The following ZNF114 variants were observed in gnomAD, a reference collection of about 807,000 sequenced individuals.
ZNF114 encodes the protein zinc finger protein 114 (Y18).
In ZNF114, 8 loss-of-function variants were observed where a neutral mutation model predicts 6.8. That is an observed-to-expected ratio of 1.18 (90% confidence interval 0.69 to 2.13). The LOEUF (loss-of-function observed/expected upper bound fraction) is 2.13, where lower values mean the gene tolerates loss of function less well. ZNF114 is among the 30% of genes most tolerant of loss of function. The pLI, the probability that ZNF114 is intolerant of heterozygous loss-of-function variation, is 0.00. For missense variants in ZNF114, 472 were observed against 519.5 expected, an observed-to-expected ratio of 0.91 and a Z score of 0.89; for synonymous variants, 169 against 185.5, an observed-to-expected ratio of 0.91 and a Z score of 0.72.
At chr19:48,274,594 C>T (rs1237378598) in intron 3 of ZNF114, among the ~76,000 whole-genome samples, 3 of 151,020 alleles carry the variant, frequency 2.0e-5, no homozygotes, top group Non-Finnish European at 4.4e-5. Flanking sequence ...GCAACCTCTG[C>T]CTTCCAGGTT....
chr19:48,286,218 C>T lies in ZNF114; in HGVS notation c.594C>T (p.Ser198=). ...PCGRKTELKS[S]TWTGSQNTVH... Reference sequence around the variant, plus strand: ...GGAGAAAAACAGAGCTGAAATCAAGCACATGGACTGGCAGTCAGAACACTG... The same window carrying T: ...GGAGAAAAACAGAGCTGAAATCAAGTACATGGACTGGCAGTCAGAACACTG... Residue 198 remains serine, a synonymous_variant, in exon 6 of 6, where the codon AGC becomes AGT. Coordinates refer to ENST00000595607, the MANE Select transcript of ZNF114 (RefSeq NM_153608.4). The T allele has an allele frequency of 6.2e-7, 1 of 1,614,164 alleles. No homozygotes were observed.
intron 5 of ZNF114, among the ~76,000 whole-genome samples, chr19:48,284,373 C>G (rs1355917582): frequency 6.6e-6 from 1 of 151,924 alleles, no homozygotes; most frequent in Non-Finnish European, 1.5e-5. Flanking sequence ...GAGACCAGCC[C>G]AGCCAACATG....
rs372950819 is a variant in ZNF114, at chr19:48,286,035, G to T, written c.411G>T (p.Arg137Ser). The change falls in exon 6 of 6, where the codon AGG (arginine) becomes AGT (serine). Residue 137 changes from arginine to serine, a missense_variant. Physicochemically the swap from Arg to Ser is moderately radical, Grantham distance 110. Transcript: ENST00000595607. ...EMRNHSKPTC[R>S]LVPSQGDSIR... is the part of the protein sequence containing the mutation. ...GGAACCACTCTAAACCTACCTGCAG[G>T]CTTGTGCCTTCACAGGGAGATTCCA... 2.5e-6 allele frequency: 4 copies of T among 1,614,002 alleles called. No individual in the cohort carries two copies. Among genetic ancestry groups the T allele is most frequent in the Non-Finnish European group, 3.4e-6 (4 of 1,180,044 alleles).
At chr19:48,279,306 G>A (rs568741148) in intron 3 of ZNF114, among the ~76,000 whole-genome samples, 60 of 150,118 alleles carry the variant, frequency 4.0e-4, no homozygotes, top group East Asian at 7.9e-4. Flanking sequence ...GCTGAGGCAG[G>A]AGGATCACTT....
intron 5 of ZNF114, among the ~76,000 whole-genome samples, chr19:48,285,494 T>C (rs1437134827): frequency 1.3e-5 from 2 of 148,162 alleles, no homozygotes; most frequent in Non-Finnish European, 3.0e-5. Context: ...TAAGACTCTG[T>C]CTAAAGAAAA....
intron 3 of ZNF114, among the ~76,000 whole-genome samples, chr19:48,273,252 T>G (rs1428033924): frequency 6.6e-6 from 1 of 152,146 alleles, no homozygotes; most frequent in Non-Finnish European, 1.5e-5. Flanking sequence ...AGATGCATTT[T>G]TATCACTAAT....
chr19:48,277,681 A>G (rs1967871949), intron 3 of ZNF114, among the ~76,000 whole-genome samples: 1 of 152,170 alleles, frequency 6.6e-6, no homozygotes, highest in Non-Finnish European at 1.5e-5. Flanking sequence ...CGCAAGGCTC[A>G]CACTGGGAAT....
At chr19:48,283,402 G>A (rs181880156) in intron 5 of ZNF114, among the ~76,000 whole-genome samples, 15 of 152,122 alleles carry the variant, frequency 9.9e-5, no homozygotes, top group South Asian at 2.1e-4. Context: ...AGAAAGTCTC[G>A]GCACAGTTCC....
At chr19:48,285,313 C>G (rs1440963566) in intron 5 of ZNF114, among the ~76,000 whole-genome samples, 1 of 152,134 alleles carries the variant, frequency 6.6e-6, no homozygotes, top group Non-Finnish European at 1.5e-5. Context: ...GCCTGGCCAA[C>G]ATGGTGAAAC....
At chr19:48,285,564 A>G (rs7258305) in intron 5 of ZNF114, among the ~76,000 whole-genome samples, 197 bp from the exon 6 acceptor site, 2 of 105,524 alleles carry the variant, frequency 1.9e-5, no homozygotes, top group Non-Finnish European at 4.3e-5. Flanking sequence ...AGGAAGGAGG[A>G]AGGAAGGAAG....
intron 3 of ZNF114, among the ~76,000 whole-genome samples, chr19:48,275,779 G>A (rs1305195852): frequency 4.6e-5 from 7 of 151,944 alleles, no homozygotes; most frequent in Non-Finnish European, 1.0e-4. Context: ...CAGATCACGA[G>A]GTCAGGAGAT....
intron 3 of ZNF114, among the ~76,000 whole-genome samples, chr19:48,278,163 T>A (rs376857615): frequency 2.6e-5 from 4 of 152,202 alleles, no homozygotes; most frequent in African/African-American, 9.7e-5. Flanking sequence ...CTCAAACTCC[T>A]GACCTCAAGT....
Position 48,279,789 on chromosome 19 carries a change from T to C in ZNF114, c.-11T>C. The C allele has an allele frequency of 6.2e-6, 10 of 1,614,016 alleles. No homozygotes were observed. Among genetic ancestry groups the C allele is most frequent in the Non-Finnish European group, 8.5e-6 (10 of 1,179,948 alleles). On this transcript the variant is annotated 5_prime_UTR_variant, in exon 4 of 6. Transcript: ENST00000595607. The stretch of plus-strand genomic sequence containing the variant: ...GGGAAGCCAGGACTGGCCGTCACGT[T>C]GGTGACAAATATGTCCCAGGTAAGT...
In ZNF114 at chr19:48,286,924, A is replaced by T; in HGVS notation, c.*46A>T. ...CATTAATTTTCTGACTGTACCAAAC[A>T]TGTGAGGAGGACATATTGGAAGGGA... On this transcript the variant is annotated 3_prime_UTR_variant, in exon 6 of 6. Coordinates refer to ENST00000595607, the MANE Select transcript of ZNF114 (RefSeq NM_153608.4). The T allele has an allele frequency of 6.6e-7, 1 of 1,522,740 alleles. No individual in the cohort carries two copies. The highest frequency in any genetic ancestry group is 8.8e-7 in the Non-Finnish European group (1 of 1,141,236). The allele number at this position is 1,522,740 out of a possible 1,614,324, so 94.3% of individuals were successfully genotyped here.
intron 3 of ZNF114, among the ~76,000 whole-genome samples, chr19:48,272,406 T>A: frequency 1.3e-5 from 1 of 77,324 alleles, no homozygotes; most frequent in African/African-American, 5.1e-5. Context: ...AGGGAGACTC[T>A]GTCTCAAAAA....
chr19:48,270,650 GAA>G (rs1327759713), intron 1 of ZNF114, among the ~76,000 whole-genome samples: 2 of 117,590 alleles, frequency 1.7e-5, no homozygotes, highest in Non-Finnish European at 3.5e-5. Flanking sequence ...GGGAGAGAGA[GAA>G]AGAAAAAGAA....
intron 5 of ZNF114, 106 bp from the exon 6 acceptor site, chr19:48,285,655 A>T (rs377409395): frequency 1.3e-6 from 1 of 742,766 alleles, no homozygotes; most frequent in East Asian, 4.3e-5. Context: ...AGGGAAAGAA[A>T]GAAAGAAAGA....
At chr19:48,275,862 G>T (rs1329532668) in intron 3 of ZNF114, among the ~76,000 whole-genome samples, 1 of 149,936 alleles carries the variant, frequency 6.7e-6, no homozygotes, top group African/African-American at 2.5e-5. Context: ...GGCGCCTGTA[G>T]TCCCAGCTAC....
chr19:48,275,798 C>T (rs952026962), intron 3 of ZNF114, among the ~76,000 whole-genome samples: 4 of 151,636 alleles, frequency 2.6e-5, no homozygotes, highest in Non-Finnish European at 5.9e-5. Flanking sequence ...ATCGAGACCA[C>T]GGTGAAACCC....
Sources: gnomAD v4.1 joint callset for allele counts (sites outside exome capture counted in the v4.1 genomes callset) on GRCh38, gnomAD v4.1.1 for gene constraint, MANE v1.5 for transcripts, NCBI Gene and HGNC (gene_info 2026-07-23, HGNC 2026-07-21) for gene names.